ZDHHC2: variants seen among roughly 807,000 people sequenced by gnomAD.
ZDHHC2 encodes zDHHC palmitoyltransferase 2, also known as palmitoyltransferase ZDHHC2.
Under a neutral mutation model 55.6 loss-of-function variants are expected in ZDHHC2, and 51 were observed. That is an observed-to-expected ratio of 0.92 (90% CI 0.73 to 1.16). The LOEUF (loss-of-function observed/expected upper bound fraction) is 1.16. Ranked by LOEUF, ZDHHC2 falls within the 50% of genes most tolerant of loss-of-function variation. The pLI, the probability that ZDHHC2 is intolerant of heterozygous loss-of-function variation, is 0.00. For missense variants in ZDHHC2, 491 were observed against 442.4 expected, an observed-to-expected ratio of 1.11 and a Z score of -0.99; for synonymous variants, 199 against 152.9, an observed-to-expected ratio of 1.30 and a Z score of -2.22.
chr8:17,196,553 C>G (rs4921740), intron 4 of ZDHHC2, among the ~76,000 whole-genome samples: 22,782 of 149,024 alleles, frequency 0.15, 2,161 homozygotes, highest in Admixed American at 0.3. Context: ...GACCCTGTCT[C>G]TAAAAAATAA....
In ZDHHC2 at chr8:17,182,504, CT is replaced by C. The variant is rs1805480538; in HGVS notation, c.131-2281del. Among the ~76,000 whole-genome samples, 3 of 152,106 alleles carry C rather than the reference CT, an allele frequency of 2.0e-5. No individual in the cohort carries two copies. In the South Asian group the frequency reaches 6.2e-4, roughly 31 times the overall value. ...TGGCGAAAGTGTAATTGGATACAGC[CT>C]TTTGAACTGATCCCTTTCATTCTAC... On this transcript the variant is annotated intron_variant, in intron 1 of 12. Coordinates refer to ENST00000262096, the MANE Select transcript of ZDHHC2 (RefSeq NM_016353.5).
At chr8:17,181,272 G>C (rs565179478) in intron 1 of ZDHHC2, among the ~76,000 whole-genome samples, 1 of 152,320 alleles carries the variant, frequency 6.6e-6, no homozygotes, top group African/African-American at 2.4e-5. Flanking sequence ...TAATGGGGCA[G>C]ATGCTCTATG....
At chr8:17,167,576 G>A (rs962329370) in intron 1 of ZDHHC2, among the ~76,000 whole-genome samples, 4 of 152,096 alleles carry the variant, frequency 2.6e-5, no homozygotes, top group East Asian at 1.9e-4. Flanking sequence ...GATTATAGGC[G>A]TGAGCCACCA....
chr8:17,165,343 A>T (rs934760267), intron 1 of ZDHHC2, among the ~76,000 whole-genome samples: 1 of 152,214 alleles, frequency 6.6e-6, no homozygotes, highest in Non-Finnish European at 1.5e-5. Context: ...ATCTTCAGAG[A>T]GGTCAGTGAA....
At chr8:17,174,531 G>A (rs990461559) in intron 1 of ZDHHC2, among the ~76,000 whole-genome samples, 1 of 152,070 alleles carries the variant, frequency 6.6e-6, no homozygotes, top group Non-Finnish European at 1.5e-5. Context: ...ACAGTCACTA[G>A]TTTTTGTTAT....
intron 1 of ZDHHC2, among the ~76,000 whole-genome samples, chr8:17,167,204 A>G (rs1390397958): frequency 1.3e-5 from 2 of 152,162 alleles, no homozygotes; most frequent in Non-Finnish European, 2.9e-5. Context: ...TCAAGCAACA[A>G]AGAATGTTGA....
At chr8:17,176,352 T>C (rs1355312901) in intron 1 of ZDHHC2, among the ~76,000 whole-genome samples, 3 of 152,162 alleles carry the variant, frequency 2.0e-5, no homozygotes, top group Non-Finnish European at 4.4e-5. Context: ...TAACCTTTGC[T>C]TCTATTTTGA....
Position 17,181,011 on chromosome 8 carries a change from T to C in ZDHHC2, c.131-3778T>C, listed in dbSNP as rs866992987. On this transcript the variant is annotated intron_variant, in intron 1 of 12. Coordinates refer to ENST00000262096, the MANE Select transcript of ZDHHC2 (RefSeq NM_016353.5). ...CAGGAACCATTTTGTCTTCTCCCTC[T>C]CTCCTCTCTTTAGAGAAGTGTTTTC... 9.7e-4 allele frequency among the ~76,000 whole-genome samples: 148 copies of C among 152,298 alleles called. 1 individual carries two copies. The highest frequency in any genetic ancestry group is 3.3e-3 in the African/African-American group (138 of 41,568).
chr8:17,220,718 T>A lies in ZDHHC2; in HGVS notation c.*497T>A, dbSNP rs1041500014. 2 of 152,204 alleles carry A rather than the reference T, an allele frequency of 1.3e-5. No homozygotes were observed. Among genetic ancestry groups the A allele is most frequent in the Non-Finnish European group, 2.9e-5 (2 of 68,022 alleles). 9.4% of individuals were successfully genotyped at this position (152,204 alleles called of 1,614,324 possible). On this transcript the variant is annotated 3_prime_UTR_variant, in exon 13 of 13. Coordinates refer to ENST00000262096, the MANE Select transcript of ZDHHC2 (RefSeq NM_016353.5). ...AGTGGCAAACCATACTTCTTTTTTT[T>A]CCTCTGATGTGAATCCAGCCTCAGA...
intron 1 of ZDHHC2, among the ~76,000 whole-genome samples, chr8:17,169,769 C>G (rs1040491855): frequency 6.6e-6 from 1 of 152,090 alleles, no homozygotes; most frequent in Non-Finnish European, 1.5e-5. Flanking sequence ...GAGATACAGG[C>G]GGGAAACCTG....
intron 6 of ZDHHC2, 138 bp from the exon 7 acceptor site, chr8:17,205,517 A>G (rs575702079): frequency 8.1e-6 from 8 of 992,316 alleles, no homozygotes; most frequent in African/African-American, 6.7e-5. Context: ...GATTGTATGC[A>G]TAAAGAAATC....
At chr8:17,210,752 T>A (rs1358123699) in intron 10 of ZDHHC2, among the ~76,000 whole-genome samples, 1 of 152,092 alleles carries the variant, frequency 6.6e-6, no homozygotes, top group Non-Finnish European at 1.5e-5. Context: ...TTAAATGTAG[T>A]GCTTAAAAGA....
At chr8:17,196,601 A>G (rs1563159026) in intron 4 of ZDHHC2, among the ~76,000 whole-genome samples, 1 of 151,818 alleles carries the variant, frequency 6.6e-6, no homozygotes, top group African/African-American at 2.4e-5. Flanking sequence ...AAAACAGGAA[A>G]AACTCATTAA....
In ZDHHC2 at chr8:17,222,042, G is replaced by T. The variant is rs1200671819; in HGVS notation, c.*1821G>T. The T allele has an allele frequency of 7.2e-6, 1 of 138,390 alleles. No individual in the cohort carries two copies. Among genetic ancestry groups the T allele is most frequent in the Non-Finnish European group, 1.5e-5 (1 of 65,344 alleles). 8.6% of individuals were successfully genotyped at this position (138,390 alleles called of 1,614,324 possible). A position where few individuals can be genotyped will look rare whatever the true frequency, so the allele number is the denominator to read the frequency against. ...TTAGCTGTTTTTGTGGACAGGATTC[G>T]ATTAAGTATTCCCTCTTGTCAAACT... On this transcript the variant is annotated 3_prime_UTR_variant, in exon 13 of 13. Coordinates refer to ENST00000262096, the MANE Select transcript of ZDHHC2 (RefSeq NM_016353.5).
At chr8:17,207,608 A>G (rs1807166200) in intron 7 of ZDHHC2, among the ~76,000 whole-genome samples, 1 of 152,172 alleles carries the variant, frequency 6.6e-6, no homozygotes, top group African/African-American at 2.4e-5. Flanking sequence ...GTATGTTAAC[A>G]AAACATACTC....
At position 17,224,387 on chromosome 8, in the gene ZDHHC2, A is replaced by T. The variant is rs1234563058; in HGVS notation, c.*4166A>T. On this transcript the variant is annotated 3_prime_UTR_variant, in exon 13 of 13. Coordinates refer to ENST00000262096, the MANE Select transcript of ZDHHC2 (RefSeq NM_016353.5). ...TTTGAGTAGCAATTAAACCAAAGGGAAACTTTTAATAAGTTATTTTAAGCC... is the reference window on the plus strand; with the variant it reads ...TTTGAGTAGCAATTAAACCAAAGGGTAACTTTTAATAAGTTATTTTAAGCC... The T allele has an allele frequency of 6.6e-6, 1 of 151,718 alleles. No individual in the cohort carries two copies. The highest frequency in any genetic ancestry group is 1.5e-5 in the Non-Finnish European group (1 of 67,706). The allele number at this position is 151,718 out of a possible 1,614,324, so 9.4% of individuals were successfully genotyped here.
At chr8:17,177,256 G>C (rs1805188114) in intron 1 of ZDHHC2, among the ~76,000 whole-genome samples, 1 of 152,136 alleles carries the variant, frequency 6.6e-6, no homozygotes, top group South Asian at 2.1e-4. Context: ...GGAATGCTGG[G>C]GAATTAGACC....
At chr8:17,203,063 CTTT>C (rs10673416) in intron 6 of ZDHHC2, among the ~76,000 whole-genome samples, 1 of 126,824 alleles carries the variant, frequency 7.9e-6, no homozygotes, top group Non-Finnish European at 1.6e-5. Context: ...TGTCCAAAGT[CTTT>C]TTTTTTTTTT....
At chr8:17,163,193 T>C (rs1804436167) in intron 1 of ZDHHC2, among the ~76,000 whole-genome samples, 1 of 152,170 alleles carries the variant, frequency 6.6e-6, no homozygotes, top group Non-Finnish European at 1.5e-5. Context: ...ACGTTGCACC[T>C]GAGGAACAGC....
Sources: allele counts gnomAD v4.1 joint callset (sites outside exome capture counted in the v4.1 genomes callset), GRCh38; gene constraint gnomAD v4.1.1; transcripts MANE v1.5; gene names NCBI Gene and HGNC (gene_info 2026-07-23, HGNC 2026-07-21).